ZNF285: variants seen among roughly 807,000 people sequenced by gnomAD.
The protein encoded by ZNF285 is zinc finger protein 285A.
In ZNF285, 4 loss-of-function variants were observed where a neutral mutation model predicts 6.2. That is an observed-to-expected ratio of 0.65 (90% CI 0.32 to 1.49). The LOEUF (loss-of-function observed/expected upper bound fraction) is 1.49. Among genes scored for constraint, ZNF285 ranks in the 40% most tolerant of loss-of-function variants. The probability of loss-of-function intolerance (pLI) is 0.07; values close to 1 mark genes in which losing one functional copy is unlikely to be tolerated. For missense variants in ZNF285, 695 were observed against 708.8 expected, an observed-to-expected ratio of 0.98 and a Z score of 0.22; for synonymous variants, 240 against 245.8, an observed-to-expected ratio of 0.98 and a Z score of 0.22.
chr19:44,387,623 T>C lies in ZNF285; in HGVS notation c.622A>G (p.Ser208Gly), dbSNP rs1971113903. 1 of 1,613,808 alleles carries C rather than the reference T, an allele frequency of 6.2e-7. No individual in the cohort carries two copies. Among genetic ancestry groups the C allele is most frequent in the Admixed American group, 1.7e-5 (1 of 59,980 alleles). Residue 208 changes from serine (S) to glycine (G), a missense_variant, in exon 4 of 4, where the codon AGC becomes GGC. Physicochemically the swap from Ser to Gly is moderately conservative, Grantham distance 56. Transcript: ENST00000614994. ...TTCATACCCAAGTTTTTCCCACAGCTGGGATGTCTACCAGGGTCCTCTCCT... is the reference window on the plus strand; with the variant it reads ...TTCATACCCAAGTTTTTCCCACAGCCGGGATGTCTACCAGGGTCCTCTCCT... Reference protein sequence around the residue: ...CKGEDPGRHPSCGKNLGMKST... With the variant: ...CKGEDPGRHPGCGKNLGMKST...
At chr19:44,393,705 A>G (rs181291673) in intron 2 of ZNF285, among the ~76,000 whole-genome samples, 206 of 152,248 alleles carry the variant, frequency 1.4e-3, no homozygotes, top group African/African-American at 4.7e-3. Flanking sequence ...CAAAACCACA[A>G]TGAGATACCA....
intron 3 of ZNF285, among the ~76,000 whole-genome samples, chr19:44,392,016 T>G (rs1971204274): frequency 6.6e-6 from 1 of 152,044 alleles, no homozygotes. Context: ...CTTGGTAATG[T>G]GTGAATTTTA....
At chr19:44,392,562 A>G (rs774749604) in intron 2 of ZNF285, 96 bp from the exon 3 acceptor site, 6 of 1,609,066 alleles carry the variant, frequency 3.7e-6, no homozygotes, top group Non-Finnish European at 3.4e-6. Flanking sequence ...GTCTGATTAG[A>G]TTAAACAAAA....
Position 44,387,657 on chromosome 19 carries a change from T to C in ZNF285, c.588A>G (p.Gln196=). 6.2e-7 allele frequency: 1 copy of C among 1,613,928 alleles called. No homozygotes were observed. Among genetic ancestry groups the C allele is most frequent in the East Asian group, 2.2e-5 (1 of 44,880 alleles). Residue 196 remains glutamine (Q), a synonymous_variant, in exon 4 of 4, where the codon CAA becomes CAG. Coordinates refer to ENST00000614994, the MANE Select transcript of ZNF285 (RefSeq NM_152354.6). ...TACCAGGGTCCTCTCCTTTACATTC[T>C]TGGGACTCATGATGATCACATGAGG... The part of the protein sequence containing the change: ...SWTSCDHHES[Q]ECKGEDPGRH...
In ZNF285 at chr19:44,386,629, G is replaced by A. The variant is rs761890567; in HGVS notation, c.1616C>T (p.Pro539Leu). ...CTTACCACATGCCTTACACTTATAGGGCCTCTCTCCTGTGTGGACTCTGAG... is the reference window on the plus strand; with the variant it reads ...CTTACCACATGCCTTACACTTATAGAGCCTCTCTCCTGTGTGGACTCTGAG... ...VHLRVHTGER[P>L]YKCKACGKGF... Residue 539 changes from proline to leucine, a missense_variant, in exon 4 of 4, where the codon CCC becomes CTC. By Grantham distance (98) the Pro-to-Leu change is moderately conservative. Transcript: ENST00000614994. 28 of 1,613,948 alleles carry A rather than the reference G, an allele frequency of 1.7e-5. No homozygotes were observed. Among genetic ancestry groups the A allele is most frequent in the African/African-American group, 1.3e-5 (1 of 74,878 alleles).
chr19:44,386,874 T>C lies in ZNF285; in HGVS notation c.1371A>G (p.Lys457=), dbSNP rs966389897. The part of the protein sequence containing the change: ...QRVHTGEKPY[K]CNVCGKDFAY... ...CAAAATCCTTTCCACACACATTGCA[T>C]TTGTATGGTTTCTCCCCTGTGTGGA... The change falls in exon 4 of 4, where the codon AAA becomes AAG. Residue 457 remains lysine (K), a synonymous_variant. Coordinates refer to ENST00000614994, the MANE Select transcript of ZNF285 (RefSeq NM_152354.6). The C allele has an allele frequency of 7.4e-6, 12 of 1,614,108 alleles. No individual in the cohort carries two copies. The highest frequency in any genetic ancestry group is 3.3e-5 in the Admixed American group (2 of 59,998).
rs756723311 is a variant in ZNF285, at chr19:44,397,271, T to G, written c.-43-15A>C. 19 of 1,613,632 alleles carry G rather than the reference T, an allele frequency of 1.2e-5. No individual in the cohort carries two copies. Among genetic ancestry groups the G allele is most frequent in the East Asian group, 4.5e-5 (2 of 44,874 alleles). On this transcript the variant is annotated splice_polypyrimidine_tract_variant and intron_variant, in intron 1 of 3. Transcript: ENST00000614994. ...GAAAAGCAGAACTGCAAAGAAGAAA[T>G]AATCCATGAGATCATGGGTTCAACA...
chr19:44,396,936 A>G (rs1307104186), intron 2 of ZNF285: 3 of 444,020 alleles, frequency 6.8e-6, no homozygotes, highest in Admixed American at 3.6e-5. Flanking sequence ...CTCATCGGGC[A>G]GTGATAAGCA....
At chr19:44,399,014 G>A (rs1181104107) in intron 1 of ZNF285, among the ~76,000 whole-genome samples, 4 of 152,142 alleles carry the variant, frequency 2.6e-5, no homozygotes, top group South Asian at 4.1e-4. Context: ...GCAAATTAAA[G>A]CCCAATTGTT....
intron 1 of ZNF285, among the ~76,000 whole-genome samples, chr19:44,398,389 C>T (rs1971320503): frequency 6.6e-6 from 1 of 152,108 alleles, no homozygotes; most frequent in Non-Finnish European, 1.5e-5. Flanking sequence ...AGCAAGAGAT[C>T]CAGGGAAGGG....
chr19:44,383,466 G>A lies in ZNF285; in HGVS notation c.*3006C>T, dbSNP rs763521754. On this transcript the variant is annotated 3_prime_UTR_variant, in exon 4 of 4. Coordinates refer to ENST00000614994, the MANE Select transcript of ZNF285 (RefSeq NM_152354.6). Reference sequence around the variant, plus strand: ...AGACCATGATGACAGAGAGAACTTCGTTGTCTCATCTATGACCATCATAAA... The same window carrying A: ...AGACCATGATGACAGAGAGAACTTCATTGTCTCATCTATGACCATCATAAA... 2.0e-5 allele frequency: 3 copies of A among 152,076 alleles called. No individual in the cohort carries two copies. Among genetic ancestry groups the A allele is most frequent in the African/African-American group, 7.2e-5 (3 of 41,404 alleles). The allele number at this position is 152,076 out of a possible 1,614,324, so 9.4% of individuals were successfully genotyped here. A position where few individuals can be genotyped will look rare whatever the true frequency, so the allele number is the denominator to read the frequency against.
intron 2 of ZNF285, among the ~76,000 whole-genome samples, chr19:44,393,016 T>C (rs75685114): frequency 1.3e-5 from 2 of 151,818 alleles, no homozygotes; most frequent in Non-Finnish European, 2.9e-5. Context: ...AAAAGAGAAA[T>C]GGGAGATTAT....
intron 3 of ZNF285, among the ~76,000 whole-genome samples, chr19:44,389,431 G>C (rs1013815262): frequency 6.6e-6 from 1 of 152,130 alleles, no homozygotes; most frequent in African/African-American, 2.4e-5. Flanking sequence ...CCCCGAATGG[G>C]CTTTAAGCAG....
intron 2 of ZNF285, among the ~76,000 whole-genome samples, chr19:44,394,916 T>A (rs1971255511): frequency 6.6e-6 from 1 of 152,194 alleles, no homozygotes; most frequent in East Asian, 1.9e-4. Flanking sequence ...GAATTGGAGA[T>A]AATCATTCAG....
Position 44,392,496 on chromosome 19 carries a change from C to A in ZNF285, c.16-30G>T. The A allele has an allele frequency of 3.7e-6, 6 of 1,613,734 alleles. No individual in the cohort carries two copies. The African/African-American group carries it at 5.3e-5, about 14-fold the overall frequency. ...AACATCAACCACATGCCACGTCAAT[C>A]ATCCACACAAATGACTGGTCTTAGT... On this transcript the variant is annotated intron_variant, in intron 2 of 3. Coordinates refer to ENST00000614994, the MANE Select transcript of ZNF285 (RefSeq NM_152354.6).
chr19:44,400,824 G>A lies in ZNF285; in HGVS notation c.-44+744C>T, dbSNP rs568489527. ...TCTCGATCTCCTGACCTCGTGATCC[G>A]CCCACTTTGGCCTCCCAAAGTGCTG... On this transcript the variant is annotated intron_variant, in intron 1 of 3. Coordinates refer to ENST00000614994, the MANE Select transcript of ZNF285 (RefSeq NM_152354.6). Among the ~76,000 whole-genome samples the A allele has an allele frequency of 4.6e-5, 7 of 152,086 alleles. No homozygotes were observed. The South Asian group carries it at 1.5e-3, about 32-fold the overall frequency.
chr19:44,399,408 C>A (rs1201540591), intron 1 of ZNF285, among the ~76,000 whole-genome samples: 8 of 141,876 alleles, frequency 5.6e-5, no homozygotes, highest in South Asian at 2.2e-4. Context: ...AAAAAAATAA[C>A]CAAGCTGTAG....
chr19:44,387,320 C>T lies in ZNF285; in HGVS notation c.925G>A (p.Val309Ile). ...QSSDLPRYQK[V>I]SSGDKPYKCK... ...TTGTAGGGTTTGTCTCCTGAGGAGA[C>T]TTTCTGATATCTGGGAAGGTCTGAG... The change falls in exon 4 of 4, where the codon GTC becomes ATC. Residue 309 changes from valine to isoleucine, a missense_variant. By Grantham distance (29) the Val-to-Ile change is conservative. Transcript: ENST00000614994. 6.2e-7 allele frequency: 1 copy of T among 1,614,150 alleles called. No individual in the cohort carries two copies. The highest frequency in any genetic ancestry group is 1.3e-5 in the African/African-American group (1 of 75,036).
Position 44,387,221 on chromosome 19 carries a change from T to C in ZNF285, c.1024A>G (p.Met342Val). ...CCACATTCATCGCATTTGTAGGGCA[T>C]CTCCCCTGTGTGGACTCGATGATGG... ...HNHHRVHTGE[M>V]PYKCDECGKG... Residue 342 changes from methionine to valine, a missense_variant, in exon 4 of 4, where the codon ATG (methionine) becomes GTG (valine). Physicochemically the swap from Met to Val is conservative, Grantham distance 21. Coordinates refer to ENST00000614994, the MANE Select transcript of ZNF285 (RefSeq NM_152354.6). The C allele has an allele frequency of 1.9e-6, 3 of 1,614,174 alleles. No homozygotes were observed. The East Asian group carries it at 6.7e-5, about 36-fold the overall frequency.
Sources: gnomAD v4.1 joint callset for allele counts (sites outside exome capture counted in the v4.1 genomes callset) on GRCh38, gnomAD v4.1.1 for gene constraint, MANE v1.5 for transcripts, NCBI Gene and HGNC (gene_info 2026-07-23, HGNC 2026-07-21) for gene names.